Variants in SLC35D2 observed in about 807,000 individuals in gnomAD.
SLC35D2 encodes the protein solute carrier family 35 member D2.
SLC35D2 carries 43 observed loss-of-function variants against 41.8 expected under a neutral mutation model. The ratio of observed to expected loss-of-function variants is 1.03; its 90% confidence interval spans 0.81 to 1.33. The LOEUF (loss-of-function observed/expected upper bound fraction) is 1.33. SLC35D2 is among the 40% of genes most tolerant of loss of function. The probability of loss-of-function intolerance (pLI) is 0.00; values close to 1 mark genes in which losing one functional copy is unlikely to be tolerated. For synonymous variants in SLC35D2, 150 were observed against 163.9 expected (o/e 0.92, Z 0.65); for missense variants, 380 against 408.4 (o/e 0.93, Z 0.60).
chr9:96,356,234 T>C (rs1413226698), intron 4 of SLC35D2, among the ~76,000 whole-genome samples: 1 of 152,244 alleles, frequency 6.6e-6, no homozygotes, highest in Non-Finnish European at 1.5e-5. Flanking sequence ...GGCGCCATGC[T>C]TCTTGCACAG....
chr9:96,347,116 C>T (rs141895383), intron 6 of SLC35D2, among the ~76,000 whole-genome samples: 322 of 152,248 alleles, frequency 2.1e-3, no homozygotes, highest in African/African-American at 7.2e-3. Flanking sequence ...GCAACAAGAG[C>T]GAAACTCTGT....
intron 4 of SLC35D2, among the ~76,000 whole-genome samples, chr9:96,359,783 A>C (rs1220066009): frequency 1.3e-5 from 2 of 152,110 alleles, no homozygotes; most frequent in East Asian, 3.9e-4. Flanking sequence ...CCTGCACCAA[A>C]CCTGGTCTAC....
intron 4 of SLC35D2, among the ~76,000 whole-genome samples, 189 bp from the exon 5 acceptor site, chr9:96,352,298 AATTT>A (rs1176261802): frequency 6.6e-6 from 1 of 152,130 alleles, no homozygotes; most frequent in Non-Finnish European, 1.5e-5. Flanking sequence ...TTCACTTAGC[AATTT>A]ATTTACTTAT....
intron 9 of SLC35D2, among the ~76,000 whole-genome samples, chr9:96,334,742 C>T (rs1051836073): frequency 8.5e-5 from 13 of 152,122 alleles, no homozygotes; most frequent in African/African-American, 3.1e-4. Context: ...AAACTGCATG[C>T]TTAAATTCTC....
intron 6 of SLC35D2, among the ~76,000 whole-genome samples, chr9:96,346,999 G>A (rs558179569): frequency 5.3e-5 from 8 of 152,276 alleles, no homozygotes; most frequent in African/African-American, 1.7e-4. Flanking sequence ...AGCTGGGCGT[G>A]GTGGCACATG....
intron 6 of SLC35D2, among the ~76,000 whole-genome samples, chr9:96,347,121 C>T (rs1829615886): frequency 6.6e-6 from 1 of 152,208 alleles, no homozygotes; most frequent in South Asian, 2.1e-4. Flanking sequence ...AAGAGCGAAA[C>T]TCTGTCTCAA....
intron 9 of SLC35D2, among the ~76,000 whole-genome samples, chr9:96,330,228 G>A (rs1359422874): frequency 6.6e-6 from 1 of 152,194 alleles, no homozygotes; most frequent in Non-Finnish European, 1.5e-5. Context: ...CCAATTGGCT[G>A]GTGCCTGCCA....
chr9:96,317,206 T>C (rs909162970), downstream of SLC35D2, among the ~76,000 whole-genome samples: 5 of 152,154 alleles, frequency 3.3e-5, no homozygotes, highest in African/African-American at 1.2e-4. Flanking sequence ...CTGTTATTTG[T>C]AGTACCATGG....
chr9:96,368,208 C>T (rs1322248736), intron 2 of SLC35D2, 64 bp downstream of exon 2: 9 of 1,357,914 alleles, frequency 6.6e-6, no homozygotes, highest in Middle Eastern at 1.9e-4. Flanking sequence ...AACAAAAGGA[C>T]TTAAAATGTC....
intron 3 of SLC35D2, among the ~76,000 whole-genome samples, chr9:96,363,844 A>G (rs545878863): frequency 6.6e-6 from 1 of 152,336 alleles, no homozygotes; most frequent in South Asian, 2.1e-4. Flanking sequence ...GCAGAGGTGA[A>G]TAATTACAAG....
Position 96,377,650 on chromosome 9 carries a change from G to C in SLC35D2, c.158+5827C>G, listed in dbSNP as rs1481914666. 2.6e-5 allele frequency among the ~76,000 whole-genome samples: 4 copies of C among 152,202 alleles called. No homozygotes were observed. In the East Asian group the frequency reaches 7.7e-4, roughly 29 times the overall value. On this transcript the variant is annotated intron_variant, in intron 1 of 11. Transcript: ENST00000253270. Reference sequence around the variant, plus strand: ...CATTGTTATTTTGACTTTGACACTTGTAAGGAGAGGATCCTGGCAGCAGTC... The same window carrying C: ...CATTGTTATTTTGACTTTGACACTTCTAAGGAGAGGATCCTGGCAGCAGTC...
chr9:96,335,601 C>T (rs924076926), intron 9 of SLC35D2, among the ~76,000 whole-genome samples: 3 of 152,062 alleles, frequency 2.0e-5, no homozygotes, highest in Non-Finnish European at 4.4e-5. Context: ...CTCAGGTGAT[C>T]CACCTGCCTC....
chr9:96,318,035 CAA>C (rs10700687), downstream of SLC35D2, among the ~76,000 whole-genome samples: 4 of 140,766 alleles, frequency 2.8e-5, no homozygotes, highest in Non-Finnish European at 3.1e-5. Flanking sequence ...GACGTTGTCT[CAA>C]AAAAAAAAAA....
chr9:96,336,666 T>A, intron 9 of SLC35D2, 51 bp downstream of exon 9: 1 of 1,083,754 alleles, frequency 9.2e-7, no homozygotes, highest in Non-Finnish European at 1.4e-6. Context: ...TTGATTTGAC[T>A]TGTCAAGAGA....
At chr9:96,382,309 G>T (rs1831226832) in intron 1 of SLC35D2, among the ~76,000 whole-genome samples, 1 of 151,662 alleles carries the variant, frequency 6.6e-6, no homozygotes, top group East Asian at 1.9e-4. Context: ...CAAAAAAATT[G>T]CCGGTGCAGT....
chr9:96,326,805 CAA>C (rs373966865), intron 9 of SLC35D2, among the ~76,000 whole-genome samples: 16 of 105,660 alleles, frequency 1.5e-4, no homozygotes, highest in African/African-American at 1.6e-4. Context: ...GACTCTGTCT[CAA>C]AAAAAAAAAA....
chr9:96,345,235 C>T, intron 7 of SLC35D2, 64 bp downstream of exon 7: 1 of 818,714 alleles, frequency 1.2e-6, no homozygotes, highest in Non-Finnish European at 2.0e-6. Flanking sequence ...CATTCATTTT[C>T]ATTTTTCATA....
chr9:96,325,254 T>C (rs74473115), intron 9 of SLC35D2, among the ~76,000 whole-genome samples: 1,694 of 152,306 alleles, frequency 0.011, 17 homozygotes, highest in South Asian at 0.02. Context: ...CAAGCAGTGA[T>C]GGAAATTAGC....
In SLC35D2 at chr9:96,364,530, TATC is replaced by T; in HGVS notation, c.210_212del (p.Met70del). 1 of 1,604,934 alleles carries T rather than the reference TATC, an allele frequency of 6.2e-7. No individual in the cohort carries two copies. Reference sequence around the variant, plus strand: ...TTTTGTTTAGCTTGGACACATATAGTATCATTATGGTGGCTGCCATCTGAAGAA... The same window carrying T: ...TTTTGTTTAGCTTGGACACATATAGTATTATGGTGGCTGCCATCTGAAGAA... On this transcript the variant is annotated inframe_deletion, in exon 3 of 12. Coordinates refer to ENST00000253270, the MANE Select transcript of SLC35D2 (RefSeq NM_007001.3).
Sources: gnomAD v4.1 joint callset for allele counts (sites outside exome capture counted in the v4.1 genomes callset) on GRCh38, gnomAD v4.1.1 for gene constraint, MANE v1.5 for transcripts, NCBI Gene and HGNC (gene_info 2026-07-23, HGNC 2026-07-21) for gene names.